Variants in HUNK observed in about 807,000 individuals in gnomAD.
HUNK encodes the protein hormonally up-regulated Neu-associated kinase.
In HUNK, 21 loss-of-function variants were observed where a neutral mutation model predicts 61.0. The observed-to-expected ratio is 0.34, with a 90% CI of 0.24 to 0.50. The LOEUF (loss-of-function observed/expected upper bound fraction) is 0.50. Among genes scored for constraint, HUNK ranks in the 20% least tolerant of loss-of-function variants. The pLI is 0.98. For synonymous variants in HUNK, 371 were observed against 386.1 expected (o/e 0.96, Z 0.46); for missense variants, 772 against 945.7 (o/e 0.82, Z 2.41).
At chr21:31,987,380 A>G (rs1207798322) in intron 8 of HUNK, among the ~76,000 whole-genome samples, 1 of 152,146 alleles carries the variant, frequency 6.6e-6, no homozygotes, top group Non-Finnish European at 1.5e-5. Context: ...TCAAATAACA[A>G]TGCAAACTTA....
At position 31,923,305 on chromosome 21, in the gene HUNK, G is replaced by T. The variant is rs2409423; in HGVS notation, c.262-1163G>T. 3.0e-3 allele frequency among the ~76,000 whole-genome samples: 459 copies of T among 152,092 alleles called. 1 individual carries two copies. The highest frequency in any genetic ancestry group is 5.5e-3 in the Admixed American group (84 of 15,276). On this transcript the variant is annotated intron_variant, in intron 1 of 10. Transcript: ENST00000270112. Reference sequence around the variant, plus strand: ...AAAAGAAAAAAATTAGCCAGCCGTGGTGGTGTGTGCTTATAGTCCCAGCTC... The same window carrying T: ...AAAAGAAAAAAATTAGCCAGCCGTGTTGGTGTGTGCTTATAGTCCCAGCTC...
chr21:31,999,295 C>A lies in HUNK; in HGVS notation c.*111C>A. 1.0e-6 allele frequency: 1 copy of A among 971,948 alleles called. No individual in the cohort carries two copies. Among genetic ancestry groups the A allele is most frequent in the Non-Finnish European group, 1.5e-6 (1 of 650,270 alleles). The allele number at this position is 971,948 out of a possible 1,614,324, so 60.2% of individuals were successfully genotyped here. ...GCCTCGCGTGGAGCATCCTTAGTCC[C>A]ACCTGTAGCTGAATCCACAGACCCA... On this transcript the variant is annotated 3_prime_UTR_variant, in exon 11 of 11. Transcript: ENST00000270112.
intron 1 of HUNK, among the ~76,000 whole-genome samples, chr21:31,888,981 G>T (rs893432684): frequency 6.6e-6 from 1 of 152,068 alleles, no homozygotes; most frequent in Non-Finnish European, 1.5e-5. Context: ...GCTCTGGTTC[G>T]CATCAGTCTA....
chr21:31,898,556 C>A (rs950535698), intron 1 of HUNK, among the ~76,000 whole-genome samples: 2 of 152,184 alleles, frequency 1.3e-5, no homozygotes, highest in Non-Finnish European at 2.9e-5. Flanking sequence ...CATGAGCCAC[C>A]ACGCCCGGCC....
At chr21:31,988,254 G>T (rs2053147317) in intron 8 of HUNK, among the ~76,000 whole-genome samples, 1 of 152,160 alleles carries the variant, frequency 6.6e-6, no homozygotes, top group Non-Finnish European at 1.5e-5. Context: ...GACTTTGGGG[G>T]TCGAGGTGGG....
chr21:31,877,979 A>T (rs558411164), intron 1 of HUNK, among the ~76,000 whole-genome samples: 1 of 152,278 alleles, frequency 6.6e-6, no homozygotes, highest in Non-Finnish European at 1.5e-5. Context: ...CAGAAACAGG[A>T]CAGACGTGGT....
chr21:31,950,651 T>A (rs1466980190), intron 4 of HUNK, among the ~76,000 whole-genome samples: 1 of 152,186 alleles, frequency 6.6e-6, no homozygotes, highest in Non-Finnish European at 1.5e-5. Context: ...GGGTCTGATT[T>A]TGTGTCTGAG....
intron 5 of HUNK, among the ~76,000 whole-genome samples, chr21:31,964,144 CT>C (rs2052947696): frequency 6.6e-6 from 1 of 152,172 alleles, no homozygotes; most frequent in Admixed American, 6.5e-5. Context: ...CAAGCAGTCA[CT>C]TCAGGTTATG....
intron 8 of HUNK, among the ~76,000 whole-genome samples, chr21:31,986,749 G>C (rs2053136342): frequency 6.6e-6 from 1 of 152,094 alleles, no homozygotes. Flanking sequence ...CCCTCTTCCA[G>C]AGTGTTTTCC....
intron 1 of HUNK, among the ~76,000 whole-genome samples, chr21:31,880,843 C>A (rs1601356042): frequency 6.6e-6 from 1 of 152,158 alleles, no homozygotes; most frequent in East Asian, 1.9e-4. Context: ...CAGAACTGAC[C>A]TCTGCAAGGG....
intron 10 of HUNK, among the ~76,000 whole-genome samples, chr21:31,996,464 G>C (rs1385881359): frequency 6.6e-6 from 1 of 152,186 alleles, no homozygotes; most frequent in Non-Finnish European, 1.5e-5. Context: ...GATGAGATGA[G>C]ATGCATATAT....
chr21:31,923,756 A>G (rs2123815791), intron 1 of HUNK, among the ~76,000 whole-genome samples: 1 of 152,082 alleles, frequency 6.6e-6, no homozygotes, highest in Middle Eastern at 3.4e-3. Context: ...CGTACCTCTT[A>G]TGACAAGTTG....
chr21:31,894,764 C>A (rs1418743401), intron 1 of HUNK, among the ~76,000 whole-genome samples: 1 of 152,130 alleles, frequency 6.6e-6, no homozygotes, highest in Non-Finnish European at 1.5e-5. Context: ...GACAGCATTG[C>A]GGGAGGAAAT....
At chr21:31,993,989 A>T (rs1477552949) in intron 9 of HUNK, among the ~76,000 whole-genome samples, 1 of 152,172 alleles carries the variant, frequency 6.6e-6, no homozygotes, top group African/African-American at 2.4e-5. Flanking sequence ...GGTTGACAAC[A>T]TCAACTTCAG....
In HUNK at chr21:31,998,718, G is replaced by A. The variant is rs1301359271; in HGVS notation, c.1679G>A (p.Arg560His). ...GACCCCCTGATGCTGGACATGGTGCGCTCCTTCGAGTCTGTGGATCGCGAC... is the reference window on the plus strand; with the variant it reads ...GACCCCCTGATGCTGGACATGGTGCACTCCTTCGAGTCTGTGGATCGCGAC... ...KEDPLMLDMV[R>H]SFESVDRDDH... Residue 560 changes from arginine to histidine, a missense_variant, in exon 11 of 11, where the codon CGC becomes CAC. By Grantham distance (29) the Arg-to-His change is conservative. Transcript: ENST00000270112. 5.0e-6 allele frequency: 8 copies of A among 1,614,108 alleles called. No homozygotes were observed. The highest frequency in any genetic ancestry group is 1.6e-4 in the Middle Eastern group (1 of 6,062).
intron 10 of HUNK, 148 bp from the exon 11 acceptor site, chr21:31,998,378 G>A: frequency 1.4e-6 from 1 of 726,946 alleles, no homozygotes; most frequent in Non-Finnish European, 2.3e-6. Context: ...GGTGACTTTT[G>A]CAAAGTAGCC....
In HUNK at chr21:31,873,793, G is replaced by C. The variant is rs763064998; in HGVS notation, c.119G>C (p.Trp40Ser). 6.4e-7 allele frequency: 1 copy of C among 1,551,554 alleles called. No homozygotes were observed. Among genetic ancestry groups the C allele is most frequent in the Non-Finnish European group, 8.7e-7 (1 of 1,152,670 alleles). ...AACEGSFLPA[W>S]VSGVPRERLR... Reference sequence around the variant, plus strand: ...TGCGAGGGAAGTTTCCTGCCTGCCTGGGTGAGCGGCGTGCCCCGCGAGCGG... The same window carrying C: ...TGCGAGGGAAGTTTCCTGCCTGCCTCGGTGAGCGGCGTGCCCCGCGAGCGG... Residue 40 changes from tryptophan to serine, a missense_variant, in exon 1 of 11, where the codon TGG becomes TCG. Coordinates refer to ENST00000270112, the MANE Select transcript of HUNK (RefSeq NM_014586.2). The surrounding 1 kb of genome is among the most constrained non-coding windows in gnomAD (Gnocchi z 6.1).
chr21:31,922,947 T>C (rs528137789), intron 1 of HUNK, among the ~76,000 whole-genome samples: 1 of 152,214 alleles, frequency 6.6e-6, no homozygotes, highest in East Asian at 1.9e-4. Context: ...GCTCCATAGC[T>C]GTGTATGAAG....
intron 10 of HUNK, among the ~76,000 whole-genome samples, chr21:31,998,197 G>A (rs2053219363): frequency 6.6e-6 from 1 of 152,220 alleles, no homozygotes; most frequent in South Asian, 2.1e-4. Flanking sequence ...GGGATCACAG[G>A]CGTGAGCCAC....
Sources: gnomAD v4.1 joint callset for allele counts (sites outside exome capture counted in the v4.1 genomes callset) on GRCh38, gnomAD v4.1.1 for gene constraint, Gnocchi (gnomAD v3.1) non-coding constraint, MANE v1.5 for transcripts, NCBI Gene and HGNC (gene_info 2026-07-23, HGNC 2026-07-21) for gene names.